The following LRTM3 variants were observed in gnomAD, a reference collection of about 807,000 sequenced individuals.
The protein encoded by LRTM3 is leucine-rich repeat transmembrane protein 3.
At chr13:102,745,109 T>C in the LRTM3 span, 1 of 1,550,868 alleles carries the variant, frequency 6.4e-7, no homozygotes, top group African/African-American at 1.4e-5. Context: ...TGGGACATCT[T>C]GTTTGGTAAC....
chr13:102,731,374 T>C, the LRTM3 span: 10 of 1,551,508 alleles, frequency 6.4e-6, no homozygotes, highest in East Asian at 9.8e-5. Context: ...AGTTGAACAT[T>C]TGTAAAGATT....
chr13:102,747,464 G>C, the LRTM3 span: 2 of 1,548,384 alleles, frequency 1.3e-6, no homozygotes, highest in African/African-American at 2.8e-5. Flanking sequence ...TTTTGTTTCT[G>C]ATAATTTTTT....
the LRTM3 span, chr13:102,731,744 G>T: frequency 2.6e-6 from 4 of 1,551,288 alleles, no homozygotes; most frequent in East Asian, 7.3e-5. Context: ...AGGCGGTATG[G>T]GCACAGTTCC....
At chr13:102,746,169 T>C in the LRTM3 span, 1 of 1,551,156 alleles carries the variant, frequency 6.4e-7, no homozygotes, top group Non-Finnish European at 8.7e-7. Context: ...CGTTGTCCAT[T>C]AATATGTAGC....
At chr13:102,748,715 T>C in the LRTM3 span, 7 of 1,549,748 alleles carry the variant, frequency 4.5e-6, no homozygotes, top group Admixed American at 1.4e-4. Flanking sequence ...TCCCTTTGCT[T>C]GTGTAATTGA....
the LRTM3 span, chr13:102,733,828 C>T: frequency 3.5e-5 from 54 of 1,551,330 alleles, no homozygotes; most frequent in Admixed American, 1.8e-4. Context: ...TCAACTGTTG[C>T]TCTGCCTCTG....
chr13:102,740,809 C>G, the LRTM3 span: 1 of 1,549,452 alleles, frequency 6.5e-7, no homozygotes, highest in Non-Finnish European at 8.7e-7. Context: ...AAGTGAGGTA[C>G]CCTAAACTAT....
the LRTM3 span, chr13:102,758,677 G>A: frequency 2.0e-6 from 3 of 1,519,280 alleles, no homozygotes; most frequent in African/African-American, 1.4e-5. Flanking sequence ...ACTAGGAAAA[G>A]GGGAAATCAA....
At chr13:102,749,362 T>C in the LRTM3 span, 2 of 1,551,408 alleles carry the variant, frequency 1.3e-6, no homozygotes, top group Non-Finnish European at 1.7e-6. Context: ...GCTGGCCTTG[T>C]GCTTTTACAC....
chr13:102,736,665 C>G, the LRTM3 span: 5 of 1,550,718 alleles, frequency 3.2e-6, no homozygotes, highest in Non-Finnish European at 4.4e-6. Flanking sequence ...TGTGCCTTTT[C>G]CCCTTGTTGA....
At chr13:102,747,016 C>A in the LRTM3 span, 1 of 1,551,236 alleles carries the variant, frequency 6.4e-7, no homozygotes, top group South Asian at 1.2e-5. Context: ...TAATCTCCTT[C>A]TCTAGATGTG....
the LRTM3 span, chr13:102,730,670 A>G: frequency 1.3e-6 from 2 of 1,552,008 alleles, no homozygotes; most frequent in Middle Eastern, 1.7e-4. Context: ...TTTGAAAGAA[A>G]TATGTTGTTC....
the LRTM3 span, chr13:102,732,529 T>G: frequency 8.3e-5 from 128 of 1,551,114 alleles, no homozygotes; most frequent in Admixed American, 3.9e-5. Context: ...TTCTTTGAAA[T>G]AATTTTTGTA....
the LRTM3 span, chr13:102,743,539 A>C: frequency 1.3e-6 from 2 of 1,548,682 alleles, no homozygotes; most frequent in South Asian, 2.4e-5. Flanking sequence ...GATTCAATAT[A>C]ATTTTCCTTT....
At chr13:102,738,732 CT>C in the LRTM3 span, 1 of 1,550,678 alleles carries the variant, frequency 6.4e-7, no homozygotes, top group Non-Finnish European at 8.7e-7. Flanking sequence ...GCTTCCTCTC[CT>C]TCTATTGTGC....
the LRTM3 span, chr13:102,745,319 G>T: frequency 6.4e-7 from 1 of 1,550,674 alleles, no homozygotes; most frequent in Non-Finnish European, 8.7e-7. Context: ...ATGTGGAGAT[G>T]TATCTTGCTT....
At chr13:102,732,763 C>A in the LRTM3 span, 1 of 1,551,330 alleles carries the variant, frequency 6.4e-7, no homozygotes, top group Non-Finnish European at 8.7e-7. Context: ...TCTCTTCTTG[C>A]AGATGTAAAG....
At chr13:102,750,879 C>T in the LRTM3 span, among the ~76,000 whole-genome samples, 1 of 152,132 alleles carries the variant, frequency 6.6e-6, no homozygotes. Context: ...CGTCTCAGTA[C>T]AATTTTGGGC....
At chr13:102,741,158 T>G in the LRTM3 span, 1 of 1,549,154 alleles carries the variant, frequency 6.5e-7, no homozygotes, top group Non-Finnish European at 8.7e-7. Flanking sequence ...ATTACTTAGA[T>G]GCTTCATCCT....
Sources: gnomAD v4.1 joint callset for allele counts (sites outside exome capture counted in the v4.1 genomes callset) on GRCh38, gnomAD v4.1.1 for gene constraint, MANE v1.5 for transcripts, NCBI Gene and HGNC (gene_info 2026-07-23, HGNC 2026-07-21) for gene names.